Variants in GNG7 observed in about 807,000 individuals in gnomAD.
GNG7 encodes G protein subunit gamma 7, also known as guanine nucleotide-binding protein G(I)/G(S)/G(O) subunit gamma-7.
GNG7 carries 1 observed loss-of-function variant against 4.0 expected under a neutral mutation model. That is an observed-to-expected ratio of 0.25 (90% CI 0.09 to 1.18). The LOEUF (loss-of-function observed/expected upper bound fraction) is 1.18. Ranked by LOEUF, GNG7 falls within the 50% of genes most tolerant of loss-of-function variation. GNG7 has a pLI of 0.50. For synonymous variants in GNG7, 34 were observed against 36.9 expected (o/e 0.92, Z 0.29); for missense variants, 86 against 91.9 (o/e 0.94, Z 0.26).
At position 2,614,233 on chromosome 19, in the gene GNG7, C is replaced by T. The variant is rs1000672902; in HGVS notation, c.-78+31991G>A. Among the ~76,000 whole-genome samples the T allele has an allele frequency of 6.6e-6, 1 of 152,170 alleles. No individual in the cohort carries two copies. The highest frequency in any genetic ancestry group is 2.4e-5 in the African/African-American group (1 of 41,436). ...GAGCATGGTCGCCAGAAAGCAGGTG[C>T]GGCGACTTTCCCTAGCACCCTCTCC... is the stretch of plus-strand genomic sequence containing the variant. On this transcript the variant is annotated intron_variant, in intron 2 of 4. Coordinates refer to ENST00000382159, the MANE Select transcript of GNG7 (RefSeq NM_052847.3). This position sits in a 1 kb window ranked among gnomAD's most constrained non-coding sequence, Gnocchi z 6.0.
intron 2 of GNG7, among the ~76,000 whole-genome samples, chr19:2,592,550 CAT>C (rs113511376): frequency 0.06 from 9,140 of 151,796 alleles, 889 homozygotes; most frequent in African/African-American, 0.21. Context: ...GCCTGGGAAA[CAT>C]AGCAAGATCC....
At chr19:2,622,806 G>A (rs781148485) in intron 2 of GNG7, among the ~76,000 whole-genome samples, 15 of 152,044 alleles carry the variant, frequency 9.9e-5, no homozygotes, top group Non-Finnish European at 1.8e-4. Context: ...AACCCAATGC[G>A]AGCAACGCGG....
chr19:2,599,566 T>C (rs1981136877), intron 2 of GNG7, among the ~76,000 whole-genome samples: 2 of 151,938 alleles, frequency 1.3e-5, no homozygotes, highest in African/African-American at 4.8e-5. Flanking sequence ...CATGAAGCTG[T>C]TGAGTTATTG....
At chr19:2,693,858 A>G (rs2144912669) in intron 1 of GNG7, among the ~76,000 whole-genome samples, 1 of 152,176 alleles carries the variant, frequency 6.6e-6, no homozygotes, top group Non-Finnish European at 1.5e-5. Flanking sequence ...CCCACATTCT[A>G]CCCACAACCC....
chr19:2,590,162 T>C (rs1020214413), intron 2 of GNG7, among the ~76,000 whole-genome samples: 2 of 152,242 alleles, frequency 1.3e-5, no homozygotes, highest in African/African-American at 4.8e-5. Context: ...AAATAAACTA[T>C]AGGTAACAAC....
At chr19:2,628,980 C>G (rs56812321) in intron 2 of GNG7, among the ~76,000 whole-genome samples, 7,378 of 152,244 alleles carry the variant, frequency 0.048, 261 homozygotes, top group African/African-American at 0.1. Context: ...GGGCACCAGG[C>G]GGTGGGGGTC....
At chr19:2,520,456 G>A (rs1978301889) in intron 4 of GNG7, 152 bp downstream of exon 4, 1 of 563,580 alleles carries the variant, frequency 1.8e-6, no homozygotes, top group Non-Finnish European at 3.2e-6. Context: ...AGGAAATGGA[G>A]GCTCAGAGAG....
At chr19:2,583,420 C>G (rs1320347004) in intron 2 of GNG7, among the ~76,000 whole-genome samples, 1 of 152,228 alleles carries the variant, frequency 6.6e-6, no homozygotes, top group Admixed American at 6.5e-5. Flanking sequence ...CAGCCGTCTT[C>G]ATGGGGTGAG....
At chr19:2,532,566 G>A (rs1249751856) in intron 3 of GNG7, among the ~76,000 whole-genome samples, 1 of 152,154 alleles carries the variant, frequency 6.6e-6, no homozygotes, top group Non-Finnish European at 1.5e-5. Flanking sequence ...TCTTTGAAGA[G>A]ATAATGACCA....
intron 1 of GNG7, among the ~76,000 whole-genome samples, chr19:2,685,691 G>A (rs967841956): frequency 3.3e-5 from 5 of 152,110 alleles, no homozygotes; most frequent in African/African-American, 1.2e-4. Context: ...GTCAGAGACG[G>A]GGGACAGGGT....
chr19:2,594,503 C>G (rs1201413690), intron 2 of GNG7, among the ~76,000 whole-genome samples: 1 of 152,148 alleles, frequency 6.6e-6, no homozygotes, highest in African/African-American at 2.4e-5. Flanking sequence ...ATTTCAAACA[C>G]AGCCTGAAGC....
At chr19:2,570,049 C>T (rs575823588) in intron 2 of GNG7, among the ~76,000 whole-genome samples, 6 of 149,222 alleles carry the variant, frequency 4.0e-5, no homozygotes, top group African/African-American at 1.2e-4. Flanking sequence ...TGGGTTGTGG[C>T]GGGAGGGGGG....
At chr19:2,660,138 G>A (rs1393322134) in intron 1 of GNG7, among the ~76,000 whole-genome samples, 2 of 152,176 alleles carry the variant, frequency 1.3e-5, no homozygotes, top group Admixed American at 6.6e-5. Flanking sequence ...ATCCGTGGAA[G>A]GCAGATTAGC....
chr19:2,620,148 G>A (rs1981827370), intron 2 of GNG7, among the ~76,000 whole-genome samples: 1 of 148,086 alleles, frequency 6.8e-6, no homozygotes, highest in Non-Finnish European at 1.5e-5. Context: ...AGGTTGCAGT[G>A]AGCCGAGATC....
rs1017797459 is a variant in GNG7 at position 2,618,809 on chromosome 19, C to T, written c.-78+27415G>A. ...GCTCACAGCTGGGGAACGCTGGCAC[C>T]TTCCTAGTAACCAAATGCCACAGCG... On this transcript the variant is annotated intron_variant, in intron 2 of 4. Transcript: ENST00000382159. This position sits in a 1 kb window ranked among gnomAD's most constrained non-coding sequence, Gnocchi z 5.1. Among the ~76,000 whole-genome samples, 3 of 152,136 alleles carry T rather than the reference C, an allele frequency of 2.0e-5. No individual in the cohort carries two copies. Among genetic ancestry groups the T allele is most frequent in the Admixed American group, 6.6e-5 (1 of 15,256 alleles).
intron 2 of GNG7, among the ~76,000 whole-genome samples, chr19:2,560,273 C>G (rs942574602): frequency 1.3e-5 from 2 of 152,122 alleles, no homozygotes; most frequent in Non-Finnish European, 2.9e-5. Context: ...CCTCGCGCCC[C>G]TAGTGTGCTG....
chr19:2,670,748 C>A (rs950821926), intron 1 of GNG7, among the ~76,000 whole-genome samples: 1 of 148,576 alleles, frequency 6.7e-6, no homozygotes, highest in Non-Finnish European at 1.5e-5. Flanking sequence ...GCCAGGAGCC[C>A]TCGCCCCGCC....
rs180748720 is a variant in GNG7, at chr19:2,687,804, T to A, written c.-135+14842A>T. Among the ~76,000 whole-genome samples, 77 of 150,244 alleles carry A rather than the reference T, an allele frequency of 5.1e-4. 1 individual carries two copies. In the East Asian group the frequency reaches 0.013, roughly 25 times the overall value. ...GCCTGGCCAACACGGCGAAACCCCA[T>A]CTCTACTAAAAATACAAAAAATTAG... On this transcript the variant is annotated intron_variant, in intron 1 of 4. Transcript: ENST00000382159.
chr19:2,595,532 G>C (rs1191153922), intron 2 of GNG7, among the ~76,000 whole-genome samples: 1 of 151,854 alleles, frequency 6.6e-6, no homozygotes, highest in Non-Finnish European at 1.5e-5. Context: ...TCAGGAGTTT[G>C]AGACCAGCCT....
Sources: allele counts gnomAD v4.1 joint callset (sites outside exome capture counted in the v4.1 genomes callset), GRCh38; gene constraint gnomAD v4.1.1; non-coding constraint Gnocchi (gnomAD v3.1); transcripts MANE v1.5; gene names NCBI Gene and HGNC (gene_info 2026-07-23, HGNC 2026-07-21).